SPARCL1: variants seen among roughly 807,000 people sequenced by gnomAD.
SPARCL1 encodes SPARC-like protein 1.
SPARCL1 carries 52 observed loss-of-function variants against 67.1 expected under a neutral mutation model. That is an observed-to-expected ratio of 0.78 (90% CI 0.62 to 0.98). The LOEUF (loss-of-function observed/expected upper bound fraction) is 0.98, where lower values mean the gene tolerates loss of function less well. Ranked by LOEUF, SPARCL1 falls within the 50% of genes least tolerant of loss-of-function variation. The pLI is 0.00. For missense variants in SPARCL1, 717 were observed against 782.4 expected, an observed-to-expected ratio of 0.92 and a Z score of 1.00; for synonymous variants, 226 against 267.8, an observed-to-expected ratio of 0.84 and a Z score of 1.52.
Position 87,491,676 on chromosome 4 carries a change from C to T in SPARCL1, c.1233G>A (p.Glu411=), listed in dbSNP as rs1455354052. The change falls in exon 5 of 11, where the codon GAG becomes GAA. Residue 411 remains glutamate (E), a synonymous_variant. Transcript: ENST00000282470. ...PGEHQEAKKA[E]NSSNEEETSS... is the part of the protein sequence containing the mutation. ...ACGTTTCCTCCTCATTTGATGAGTT[C>T]TCTGCTTTCTTGGCCTTTAGAATAA... 6.2e-7 allele frequency: 1 copy of T among 1,613,228 alleles called. No homozygotes were observed. The highest frequency in any genetic ancestry group is 1.3e-5 in the African/African-American group (1 of 74,882).
At chr4:87,474,623 C>T (rs185642426) in intron 10 of SPARCL1, among the ~76,000 whole-genome samples, 24 of 152,172 alleles carry the variant, frequency 1.6e-4, no homozygotes, top group African/African-American at 4.8e-4. Flanking sequence ...TTCTTACATC[C>T]TTCTTCCACC....
intron 1 of SPARCL1, among the ~76,000 whole-genome samples, chr4:87,524,280 T>C (rs1422513151): frequency 1.3e-5 from 2 of 152,220 alleles, no homozygotes; most frequent in African/African-American, 4.8e-5. Flanking sequence ...TATGCAATGA[T>C]AATTCTGAGG....
At chr4:87,526,184 G>A (rs1248967091) in intron 1 of SPARCL1, among the ~76,000 whole-genome samples, 2 of 152,090 alleles carry the variant, frequency 1.3e-5, no homozygotes, top group African/African-American at 4.8e-5. Flanking sequence ...CCTTTGACTT[G>A]GCCATTAAGA....
chr4:87,493,838 A>G lies in SPARCL1; in HGVS notation c.962T>C (p.Leu321Pro), dbSNP rs764037898. 9 of 1,614,144 alleles carry G rather than the reference A, an allele frequency of 5.6e-6. No individual in the cohort carries two copies. In the South Asian group the frequency reaches 8.8e-5, roughly 16 times the overall value. The change falls in exon 4 of 11, where the codon CTC (leucine) becomes CCC (proline). Residue 321 changes from leucine to proline, a missense_variant. Coordinates refer to ENST00000282470, the MANE Select transcript of SPARCL1 (RefSeq NM_004684.6). ...TEEKTVSEALLMEPTDDGNTT... is the reference protein window; with the variant it reads ...TEEKTVSEALPMEPTDDGNTT... ...ATTACCATCATCAGTAGGTTCCATG[A>G]GCAGAGCCTCAGAAACAGTCTTTTC...
chr4:87,526,318 C>G (rs890590915), intron 1 of SPARCL1, among the ~76,000 whole-genome samples: 2 of 152,184 alleles, frequency 1.3e-5, no homozygotes, highest in African/African-American at 4.8e-5. Flanking sequence ...AAAGGCAATT[C>G]AAAGAATATT....
At chr4:87,523,561 G>T (rs1328637934) in intron 1 of SPARCL1, among the ~76,000 whole-genome samples, 2 of 152,202 alleles carry the variant, frequency 1.3e-5, no homozygotes, top group Non-Finnish European at 2.9e-5. Flanking sequence ...AGCATCAGCA[G>T]ATGTTTAGCA....
intron 7 of SPARCL1, among the ~76,000 whole-genome samples, chr4:87,486,743 C>G (rs1426272400): frequency 1.3e-5 from 2 of 151,844 alleles, no homozygotes; most frequent in Non-Finnish European, 2.9e-5. Flanking sequence ...TCTGGGTGCT[C>G]CTATATTGGG....
rs375553104 is a variant in SPARCL1, at chr4:87,503,682, C to CTTT, written c.-11-4098_-11-4097insAAA. ...CTCAGCAAATGAAGTTTTTTTTTTT[C>CTTT]CTTTTTTTTTTTTTAATACAGAGTC... On this transcript the variant is annotated intron_variant, in intron 1 of 10. Transcript: ENST00000282470. 4.5e-4 allele frequency among the ~76,000 whole-genome samples: 59 copies of CTTT among 132,248 alleles called. 2 individuals are homozygous for CTTT. The highest frequency in any genetic ancestry group is 2.1e-3 in the Admixed American group (28 of 13,454). The allele number at this position is 132,248 out of a possible 152,430, so 86.8% of individuals were successfully genotyped here.
intron 2 of SPARCL1, 131 bp downstream of exon 2, chr4:87,499,390 G>A (rs1026137922): frequency 1.9e-5 from 16 of 825,720 alleles, no homozygotes; most frequent in Non-Finnish European, 2.9e-5. Context: ...TGTTACTTGG[G>A]CAATAAAGAA....
At chr4:87,501,214 G>C (rs2110237654) in intron 1 of SPARCL1, among the ~76,000 whole-genome samples, 1 of 152,202 alleles carries the variant, frequency 6.6e-6, no homozygotes, top group Middle Eastern at 3.4e-3. Context: ...CTTTGGACTG[G>C]TGTATCTCCG....
intron 10 of SPARCL1, among the ~76,000 whole-genome samples, chr4:87,475,786 A>T (rs1723560330): frequency 6.6e-6 from 1 of 152,220 alleles, no homozygotes; most frequent in Non-Finnish European, 1.5e-5. Flanking sequence ...GACACTGGTA[A>T]TGTAAATTAG....
chr4:87,508,802 G>GTA (rs1725222641), intron 1 of SPARCL1, among the ~76,000 whole-genome samples: 1 of 149,980 alleles, frequency 6.7e-6, no homozygotes, highest in South Asian at 2.1e-4. Flanking sequence ...GTGTGTGTGT[G>GTA]TGTGTGTGTG....
At chr4:87,524,634 C>A (rs1437398646) in intron 1 of SPARCL1, among the ~76,000 whole-genome samples, 1 of 152,090 alleles carries the variant, frequency 6.6e-6, no homozygotes, top group Admixed American at 6.6e-5. Flanking sequence ...GCTATGTAAA[C>A]CCCTAGTTTA....
At chr4:87,474,807 G>GGA in intron 10 of SPARCL1, among the ~76,000 whole-genome samples, 1 of 146,432 alleles carries the variant, frequency 6.8e-6, no homozygotes, top group South Asian at 2.1e-4. Context: ...AAGTGGCGCA[G>GGA]TCTCGGCTCA....
rs368372139 is a variant in SPARCL1, at chr4:87,494,502, G to T, written c.298C>A (p.Gln100Lys). 17 of 1,614,044 alleles carry T rather than the reference G, an allele frequency of 1.1e-5. No homozygotes were observed. In the African/African-American group the frequency reaches 2.0e-4, roughly 19 times the overall value. The change falls in exon 4 of 11, where the codon CAA (glutamine) becomes AAA (lysine). Residue 100 changes from glutamine (Q) to lysine (K), a missense_variant. Physicochemically the swap from Gln to Lys is moderately conservative, Grantham distance 53. Transcript: ENST00000282470. ...SSSQELGLKD[Q>K]EDSDGHLSVN... ...CTTAAGTGACCATCACTGTCCTCTT[G>T]ATCCTTCAATCCCAGCTCTTGGCTA...
At chr4:87,500,786 G>A (rs1169502148) in intron 1 of SPARCL1, among the ~76,000 whole-genome samples, 6 of 104,332 alleles carry the variant, frequency 5.8e-5, no homozygotes, top group Non-Finnish European at 1.1e-4. Flanking sequence ...ACACACGTAC[G>A]CGCGCACGCA....
intron 1 of SPARCL1, among the ~76,000 whole-genome samples, chr4:87,501,932 GA>G (rs1724868107): frequency 6.6e-6 from 1 of 150,916 alleles, no homozygotes; most frequent in Non-Finnish European, 1.5e-5. Flanking sequence ...ATCATTCTGG[GA>G]AACTTTCTCA....
intron 1 of SPARCL1, among the ~76,000 whole-genome samples, chr4:87,524,610 T>C (rs1463612746): frequency 6.6e-6 from 1 of 152,230 alleles, no homozygotes; most frequent in Non-Finnish European, 1.5e-5. Flanking sequence ...TACACATTGT[T>C]ACATTTTTCC....
In SPARCL1 at chr4:87,493,950, C is replaced by T. The variant is rs201942856; in HGVS notation, c.850G>A (p.Val284Ile). 43 of 1,614,140 alleles carry T rather than the reference C, an allele frequency of 2.7e-5. No homozygotes were observed. Among genetic ancestry groups the T allele is most frequent in the Admixed American group, 3.3e-5 (2 of 60,018 alleles). ...AEMEEENASNVNKHIQETEWQ... is the reference protein window; with the variant it reads ...AEMEEENASNINKHIQETEWQ... ...TCAGTTTCTTGAATGTGCTTATTGA[C>T]GTTCGATGCATTTTCCTCTTCCATT... Residue 284 changes from valine (V) to isoleucine (I), a missense_variant, in exon 4 of 11, where the codon GTC becomes ATC. By Grantham distance (29) the Val-to-Ile change is conservative. Transcript: ENST00000282470.
Sources: allele counts gnomAD v4.1 joint callset (sites outside exome capture counted in the v4.1 genomes callset), GRCh38; gene constraint gnomAD v4.1.1; transcripts MANE v1.5; gene names NCBI Gene and HGNC (gene_info 2026-07-23, HGNC 2026-07-21).